SMAD9: variants seen among roughly 807,000 people sequenced by gnomAD.
SMAD9 encodes the protein MAD homolog 9.
In SMAD9, 36 loss-of-function variants were observed where a neutral mutation model predicts 46.1. The ratio of observed to expected loss-of-function variants is 0.78; its 90% CI spans 0.60 to 1.03. SMAD9 has a LOEUF of 1.03. Among genes scored for constraint, SMAD9 ranks in the 50% least tolerant of loss-of-function variants. The pLI, the probability that SMAD9 is intolerant of heterozygous loss-of-function variation, is 0.00. For synonymous variants in SMAD9, 245 were observed against 237.1 expected (o/e 1.03, Z -0.31); for missense variants, 572 against 599.8 (o/e 0.95, Z 0.48).
intron 1 of SMAD9, among the ~76,000 whole-genome samples, chr13:36,881,308 C>T (rs148604694): frequency 1.3e-5 from 2 of 152,290 alleles, no homozygotes; most frequent in African/African-American, 4.8e-5. Flanking sequence ...AGTAAGCTGA[C>T]TCAAGTATTT....
chr13:36,863,634 T>A (rs544907294), intron 5 of SMAD9, among the ~76,000 whole-genome samples: 1 of 152,296 alleles, frequency 6.6e-6, no homozygotes, highest in Non-Finnish European at 1.5e-5. Flanking sequence ...CTTGGTGCCC[T>A]CCTTGAGGTA....
At chr13:36,853,288 A>AAAT (rs761238448) in intron 6 of SMAD9, 131 bp downstream of exon 6, 3 of 884,926 alleles carry the variant, frequency 3.4e-6, no homozygotes, top group East Asian at 5.3e-5. Flanking sequence ...CCGTCTCAAA[A>AAAT]AATAATAATA....
rs368771586 is a variant in SMAD9 at position 36,879,504 on chromosome 13, C to T, written c.186G>A (p.Pro62=). ...MDELERALSC[P]GQPSKCVTIP... is the part of the protein sequence containing the mutation. Reference sequence around the variant, plus strand: ...TCGTGACGCATTTGCTGGGCTGCCCCGGGCAGCTGAGAGCCCTCTCCAGCT... The same window carrying T: ...TCGTGACGCATTTGCTGGGCTGCCCTGGGCAGCTGAGAGCCCTCTCCAGCT... Residue 62 remains proline (P), a synonymous_variant, in exon 2 of 7, where the codon CCG becomes CCA. Coordinates refer to ENST00000379826, the MANE Select transcript of SMAD9 (RefSeq NM_001127217.3). 7.4e-6 allele frequency: 12 copies of T among 1,613,962 alleles called. No individual in the cohort carries two copies. Among genetic ancestry groups the T allele is most frequent in the Non-Finnish European group, 1.0e-5 (12 of 1,180,030 alleles).
chr13:36,907,621 G>C (rs2058629541), intron 1 of SMAD9, among the ~76,000 whole-genome samples: 1 of 152,150 alleles, frequency 6.6e-6, no homozygotes, highest in Non-Finnish European at 1.5e-5. Context: ...GATGCAATGA[G>C]CTATGATTGC....
At chr13:36,905,369 TATC>T (rs1172349403) in intron 1 of SMAD9, among the ~76,000 whole-genome samples, 2 of 152,154 alleles carry the variant, frequency 1.3e-5, no homozygotes, top group African/African-American at 4.8e-5. Context: ...TTCTTTTGAG[TATC>T]TTCTTTTGTT....
chr13:36,875,754 C>T (rs985340308), intron 2 of SMAD9, among the ~76,000 whole-genome samples: 2 of 152,084 alleles, frequency 1.3e-5, no homozygotes, highest in East Asian at 1.9e-4. Flanking sequence ...AAAATATCTA[C>T]GGTATATTCC....
intron 5 of SMAD9, among the ~76,000 whole-genome samples, chr13:36,854,430 C>T (rs548334817): frequency 1.5e-4 from 23 of 151,640 alleles, no homozygotes; most frequent in East Asian, 5.8e-4. Context: ...TGCAGTGGCA[C>T]GATTTCAGCT....
At position 36,848,191 on chromosome 13, in the gene SMAD9, G is replaced by GT. The variant is rs961798848; in HGVS notation, c.*484dup. The stretch of plus-strand genomic sequence containing the variant: ...CATTAATTCATTGTACAAGTTTGTT[G>GT]TTTTTTTTTTCTTGCCAACAGCACT... On this transcript the variant is annotated 3_prime_UTR_variant, in exon 7 of 7. Transcript: ENST00000379826. 382 of 156,166 alleles carry GT rather than the reference G, an allele frequency of 2.4e-3. No individual in the cohort carries two copies. The highest frequency in any genetic ancestry group is 4.7e-3 in the Admixed American group (77 of 16,250). 9.7% of individuals were successfully genotyped at this position (156,166 alleles called of 1,614,324 possible). A position where few individuals can be genotyped will look rare whatever the true frequency, so the allele number is the denominator to read the frequency against.
At chr13:36,899,195 G>C (rs1439426288) in intron 1 of SMAD9, among the ~76,000 whole-genome samples, 2 of 152,152 alleles carry the variant, frequency 1.3e-5, no homozygotes, top group Non-Finnish European at 2.9e-5. Flanking sequence ...AAAACACTTA[G>C]AAATAAATTT....
chr13:36,905,923 A>G (rs2058617074), intron 1 of SMAD9, among the ~76,000 whole-genome samples: 1 of 151,850 alleles, frequency 6.6e-6, no homozygotes, highest in Non-Finnish European at 1.5e-5. Flanking sequence ...CTCCCGCTTC[A>G]GCCTCCCAAA....
In SMAD9 at chr13:36,879,345, G is replaced by A. The variant is rs761179019; in HGVS notation, c.345C>T (p.Phe115=). ...HELKPLECCE[F]PFGSKQKEVC... The stretch of plus-strand genomic sequence containing the variant: ...CTTCTTTCTGCTTGGAGCCAAATGG[G>A]AACTCACAGCACTCCAGCGGCTTCA... Residue 115 remains phenylalanine, a synonymous_variant, in exon 2 of 7, where the codon TTC becomes TTT. Coordinates refer to ENST00000379826, the MANE Select transcript of SMAD9 (RefSeq NM_001127217.3). 3.1e-6 allele frequency: 5 copies of A among 1,614,138 alleles called. No individual in the cohort carries two copies. The highest frequency in any genetic ancestry group is 1.1e-5 in the South Asian group (1 of 91,084).
At chr13:36,889,643 T>G (rs2058474389) in intron 1 of SMAD9, among the ~76,000 whole-genome samples, 1 of 152,180 alleles carries the variant, frequency 6.6e-6, no homozygotes, top group Non-Finnish European at 1.5e-5. Flanking sequence ...GACAATGAAA[T>G]CAATTCTTCC....
At chr13:36,901,831 C>T (rs991972627) in intron 1 of SMAD9, among the ~76,000 whole-genome samples, 6 of 152,176 alleles carry the variant, frequency 3.9e-5, no homozygotes, top group Non-Finnish European at 7.3e-5. Flanking sequence ...AAGTCCCTTG[C>T]CCACTTTAAA....
intron 1 of SMAD9, among the ~76,000 whole-genome samples, chr13:36,909,475 C>T (rs1490842011): frequency 6.6e-6 from 1 of 152,204 alleles, no homozygotes; most frequent in African/African-American, 2.4e-5. Flanking sequence ...ATTCTTTACA[C>T]ATACGTAATA....
At chr13:36,850,919 C>G (rs2058069344) in intron 6 of SMAD9, among the ~76,000 whole-genome samples, 1 of 152,164 alleles carries the variant, frequency 6.6e-6, no homozygotes, top group Admixed American at 6.5e-5. Context: ...CTTTTTCTCC[C>G]ACGCCTGATC....
rs1217088029 is a variant in SMAD9, at chr13:36,847,224, G to GA, written c.*1451dup. The stretch of plus-strand genomic sequence containing the variant: ...AAAACTACCATGTGCACTAATGCTA[G>GA]AAAGAGTTGAGATAAAATGTATAAA... On this transcript the variant is annotated 3_prime_UTR_variant, in exon 7 of 7. Coordinates refer to ENST00000379826, the MANE Select transcript of SMAD9 (RefSeq NM_001127217.3). The GA allele has an allele frequency of 6.6e-6, 1 of 152,190 alleles. No homozygotes were observed. 9.4% of individuals were successfully genotyped at this position (152,190 alleles called of 1,614,324 possible).
At chr13:36,906,747 T>C (rs943361756) in intron 1 of SMAD9, among the ~76,000 whole-genome samples, 1 of 151,954 alleles carries the variant, frequency 6.6e-6, no homozygotes, top group African/African-American at 2.4e-5. Context: ...AAACAGAAAA[T>C]AACAAGTGTC....
At chr13:36,906,982 C>G (rs2058624792) in intron 1 of SMAD9, among the ~76,000 whole-genome samples, 2 of 151,838 alleles carry the variant, frequency 1.3e-5, no homozygotes, top group Non-Finnish European at 2.9e-5. Flanking sequence ...GTGAAAACAA[C>G]CTAAACATCC....
At chr13:36,898,885 C>T (rs2058551215) in intron 1 of SMAD9, among the ~76,000 whole-genome samples, 1 of 152,140 alleles carries the variant, frequency 6.6e-6, no homozygotes, top group Non-Finnish European at 1.5e-5. Flanking sequence ...CTCACCACTG[C>T]TATTCATGAT....
Sources: allele counts gnomAD v4.1 joint callset (sites outside exome capture counted in the v4.1 genomes callset), GRCh38; gene constraint gnomAD v4.1.1; transcripts MANE v1.5; gene names NCBI Gene and HGNC (gene_info 2026-07-23, HGNC 2026-07-21).